Variants in ANKS6 observed in about 807,000 individuals in gnomAD.
ANKS6 encodes the protein ankyrin repeat and SAM domain-containing protein 6.
In ANKS6, 47 loss-of-function variants were observed where a neutral mutation model predicts 77.9. The observed-to-expected ratio is 0.60, with a 90% CI of 0.48 to 0.77. ANKS6 has a LOEUF of 0.77. Ranked by LOEUF, ANKS6 falls within the 30% of genes least tolerant of loss-of-function variation. The probability of loss-of-function intolerance (pLI) is 0.00; values close to 1 mark genes in which losing one functional copy is unlikely to be tolerated. For missense variants in ANKS6, 1,150 were observed against 1,159.1 expected (o/e 0.99, Z 0.11); for synonymous variants, 488 against 501.7 (o/e 0.97, Z 0.37).
rs137870160 is a variant in ANKS6 at position 98,790,363 on chromosome 9, G to A, written c.603C>T (p.His201=). 4.6e-4 allele frequency: 739 copies of A among 1,613,484 alleles called. 2 individuals carry two copies. In the African/African-American group the frequency reaches 8.6e-3, roughly 19 times the overall value. ...DITALMAAIQ[H]GHEAVVRLLM... The stretch of plus-strand genomic sequence containing the variant: ...GTAGACGCACCACGGCCTCGTGCCC[G>A]TGCTGGATGGCAGCCATCAGGGCTG... The change falls in exon 2 of 15, where the codon CAC becomes CAT. Residue 201 remains histidine, a synonymous_variant. Coordinates refer to ENST00000353234, the MANE Select transcript of ANKS6 (RefSeq NM_173551.5).
rs549957821 is a variant in ANKS6, at chr9:98,753,287, A to G, written c.2327-2191T>C. Among the ~76,000 whole-genome samples the G allele has an allele frequency of 7.1e-4, 108 of 152,336 alleles. 1 individual carries two copies. Among genetic ancestry groups the G allele is most frequent in the African/African-American group, 2.5e-3 (106 of 41,584 alleles). ...AACACTGGCTGAGAGTTTTGTTTAC[A>G]TGAACAAGAAACATAAAAAAGAAAC... is the stretch of plus-strand genomic sequence containing the variant. On this transcript the variant is annotated intron_variant, in intron 12 of 14. Transcript: ENST00000353234.
At chr9:98,782,838 T>G (rs1371979618) in intron 4 of ANKS6, among the ~76,000 whole-genome samples, 1 of 152,138 alleles carries the variant, frequency 6.6e-6, no homozygotes, top group East Asian at 1.9e-4. Flanking sequence ...ATCCCATCAC[T>G]TTGGGAAGCC....
chr9:98,741,148 C>G (rs1831805970), intron 14 of ANKS6, among the ~76,000 whole-genome samples: 1 of 152,168 alleles, frequency 6.6e-6, no homozygotes, highest in Admixed American at 6.5e-5. Context: ...TCTACATAAC[C>G]AACAGGTAGG....
At chr9:98,741,039 T>C (rs986329471) in intron 14 of ANKS6, among the ~76,000 whole-genome samples, 1 of 152,224 alleles carries the variant, frequency 6.6e-6, no homozygotes, top group Admixed American at 6.5e-5. Flanking sequence ...TTCTGACTCT[T>C]TGACTCAGTA....
At chr9:98,776,968 T>C (rs1588392590) in intron 8 of ANKS6, among the ~76,000 whole-genome samples, 1 of 152,240 alleles carries the variant, frequency 6.6e-6, no homozygotes, top group East Asian at 1.9e-4. Flanking sequence ...CATTGTTACT[T>C]GGGGATTTTC....
chr9:98,756,160 C>T lies in ANKS6; in HGVS notation c.2326+260G>A, dbSNP rs580809. 0.78 allele frequency among the ~76,000 whole-genome samples: 118,344 copies of T among 152,078 alleles called. 46,559 individuals are homozygous for T. The highest frequency in any genetic ancestry group is 0.88 in the African/African-American group (36,507 of 41,500). On this transcript the variant is annotated intron_variant, in intron 12 of 14. Transcript: ENST00000353234. ...AAAGTAAGTTCGTGTTGGAGAAGCA[C>T]TTCCATGGGTGTATGTTTGTGCATG...
At chr9:98,761,624 T>A (rs1353372026) in intron 11 of ANKS6, among the ~76,000 whole-genome samples, 2 of 152,226 alleles carry the variant, frequency 1.3e-5, no homozygotes, top group Non-Finnish European at 2.9e-5. Flanking sequence ...TGGAGGTTCC[T>A]TTTCTTGCAA....
intron 5 of ANKS6, among the ~76,000 whole-genome samples, chr9:98,781,141 C>T (rs764558155): frequency 1.3e-5 from 2 of 152,132 alleles, no homozygotes; most frequent in Non-Finnish European, 2.9e-5. Flanking sequence ...CTCAAGTGAT[C>T]GACCCACCTC....
chr9:98,756,525 G>A lies in ANKS6; in HGVS notation c.2221C>T (p.Pro741Ser). Residue 741 changes from proline (P) to serine (S), a missense_variant, in exon 12 of 15, where the codon CCC becomes TCC. Pro to Ser is a moderately conservative substitution (Grantham distance 74, BLOSUM62 -1). Transcript: ENST00000353234. ...KSTSPTLTPS[P>S]SPKGHTAESS... ...TCTGCAGTGTGCCCTTTGGGTGAGG[G>A]GGAGGGCGTGAGGGTTGGAGAGGTG... 1 of 1,606,784 alleles carries A rather than the reference G, an allele frequency of 6.2e-7. No individual in the cohort carries two copies. The highest frequency in any genetic ancestry group is 1.1e-5 in the South Asian group (1 of 89,852).
rs746163621 is a variant in ANKS6 at position 98,782,468 on chromosome 9, G to A, written c.1218C>T (p.Pro406=). The A allele has an allele frequency of 2.1e-5, 34 of 1,613,148 alleles. No individual in the cohort carries two copies. Among genetic ancestry groups the A allele is most frequent in the South Asian group, 4.4e-5 (4 of 91,034 alleles). ...AFDLVMLLND[P]DTELVRLLAS... is the part of the protein sequence containing the mutation. ...AACCCTTTTCTTGAAATTACCTACC[G>A]GGATCATTCAGCAGCATCACCAGGT... Residue 406 remains proline, a splice_region_variant and synonymous_variant, in exon 5 of 15, where the codon CCC becomes CCT. Transcript: ENST00000353234.
At chr9:98,770,784 C>G in intron 10 of ANKS6, 112 bp downstream of exon 10, 1 of 1,137,774 alleles carries the variant, frequency 8.8e-7, no homozygotes, top group Non-Finnish European at 1.1e-6. Flanking sequence ...GAGAAAGTGC[C>G]TCTTGCGTGG....
intron 12 of ANKS6, among the ~76,000 whole-genome samples, chr9:98,755,731 C>T (rs1367132690): frequency 4.6e-5 from 7 of 152,168 alleles, no homozygotes; most frequent in African/African-American, 1.4e-4. Flanking sequence ...GACAACTGAC[C>T]GAAGGGGCAT....
intron 14 of ANKS6, among the ~76,000 whole-genome samples, chr9:98,743,265 C>T (rs1831937617): frequency 6.6e-6 from 1 of 151,914 alleles, no homozygotes; most frequent in Non-Finnish European, 1.5e-5. Flanking sequence ...TGGGCCACAG[C>T]CCTCCCCCGC....
intron 11 of ANKS6, among the ~76,000 whole-genome samples, chr9:98,757,525 C>T (rs1467854811): frequency 1.3e-5 from 2 of 152,202 alleles, no homozygotes; most frequent in Non-Finnish European, 2.9e-5. Context: ...TTCAGTGCAT[C>T]GTTATGCAGA....
At chr9:98,739,406 C>G (rs1263516409) in intron 14 of ANKS6, among the ~76,000 whole-genome samples, 1 of 152,130 alleles carries the variant, frequency 6.6e-6, no homozygotes, top group Non-Finnish European at 1.5e-5. Context: ...AGGAGGTCAA[C>G]TCCAGCCTGG....
chr9:98,771,338 T>C (rs550348099), intron 9 of ANKS6, among the ~76,000 whole-genome samples: 99 of 152,260 alleles, frequency 6.5e-4, no homozygotes, highest in Non-Finnish European at 1.2e-3. Context: ...AACCTGACCA[T>C]GTTATTCACT....
At chr9:98,741,019 T>C (rs535661247) in intron 14 of ANKS6, among the ~76,000 whole-genome samples, 1 of 152,342 alleles carries the variant, frequency 6.6e-6, no homozygotes, top group African/African-American at 2.4e-5. Flanking sequence ...CAGATGTACA[T>C]ATACCTTGAT....
chr9:98,771,638 G>C (rs1489994019), intron 9 of ANKS6, among the ~76,000 whole-genome samples: 1 of 152,186 alleles, frequency 6.6e-6, no homozygotes, highest in Non-Finnish European at 1.5e-5. Flanking sequence ...GTTTCCTGCT[G>C]ATCTTTTTTG....
intron 14 of ANKS6, among the ~76,000 whole-genome samples, chr9:98,742,108 C>A (rs1352060927): frequency 6.6e-6 from 1 of 152,200 alleles, no homozygotes; most frequent in East Asian, 1.9e-4. Flanking sequence ...GAAAGCTGGG[C>A]CTCCCCGTCT....
Sources: allele counts gnomAD v4.1 joint callset (sites outside exome capture counted in the v4.1 genomes callset), GRCh38; gene constraint gnomAD v4.1.1; transcripts MANE v1.5; gene names NCBI Gene and HGNC (gene_info 2026-07-23, HGNC 2026-07-21).